Variants in SRGAP3 observed in about 807,000 individuals in gnomAD.
SRGAP3 encodes the protein SLIT-ROBO Rho GTPase activating protein 3, also known as SLIT-ROBO Rho GTPase-activating protein 3.
Under a neutral mutation model 121.1 loss-of-function variants are expected in SRGAP3, and 39 were observed. The observed-to-expected ratio is 0.32, with a 90% CI of 0.25 to 0.42. The LOEUF is 0.42. Among genes scored for constraint, SRGAP3 ranks in the 10% least tolerant of loss-of-function variants. The probability of loss-of-function intolerance (pLI) is 1.00; values close to 1 mark genes in which losing one functional copy is unlikely to be tolerated. For missense variants in SRGAP3, 1,213 were observed against 1,470.6 expected, an observed-to-expected ratio of 0.82 and a Z score of 2.86; for synonymous variants, 601 against 570.0, an observed-to-expected ratio of 1.05 and a Z score of -0.77.
intron 2 of SRGAP3, among the ~76,000 whole-genome samples, chr3:9,123,355 C>T (rs1168942783): frequency 1.3e-5 from 2 of 150,696 alleles, no homozygotes; most frequent in African/African-American, 4.9e-5. Flanking sequence ...ATTATGTGTG[C>T]TTTGTCACAA....
chr3:9,338,877 G>C (rs888291075), intron 1 of SRGAP3, among the ~76,000 whole-genome samples: 2 of 152,146 alleles, frequency 1.3e-5, no homozygotes, highest in Non-Finnish European at 2.9e-5. Context: ...CTACTGCAGA[G>C]CCTCAATATT....
rs115451745 is a variant in SRGAP3 at position 9,030,687 on chromosome 3, G to T, written c.1539+1963C>A. Among the ~76,000 whole-genome samples the T allele has an allele frequency of 3.3e-3, 498 of 152,114 alleles. 1 individual carries two copies. The highest frequency in any genetic ancestry group is 6.0e-3 in the Non-Finnish European group (408 of 67,990). ...CTTATATATAGGACCCCTCTATTAC[G>T]AAAATACTTAACTCAACAGAATATC... On this transcript the variant is annotated intron_variant, in intron 12 of 21. Transcript: ENST00000383836.
intron 3 of SRGAP3, among the ~76,000 whole-genome samples, chr3:9,086,733 AT>A (rs1356061070): frequency 6.8e-6 from 1 of 147,112 alleles, no homozygotes; most frequent in Non-Finnish European, 1.5e-5. Context: ...TATAATATGT[AT>A]TTTATATGTA....
chr3:9,295,220 T>C (rs887951205), intron 3 of SRGAP3, among the ~76,000 whole-genome samples: 1 of 152,362 alleles, frequency 6.6e-6, no homozygotes, highest in East Asian at 1.9e-4. Flanking sequence ...GTTTCTGCTC[T>C]GGTCTGTTGC....
chr3:9,026,068 C>T (rs538305877), intron 13 of SRGAP3, among the ~76,000 whole-genome samples: 4 of 152,308 alleles, frequency 2.6e-5, no homozygotes, highest in South Asian at 4.1e-4. Context: ...ACCACCCAGC[C>T]ACACTGACCT....
intron 1 of SRGAP3, among the ~76,000 whole-genome samples, chr3:9,331,707 G>A (rs766532498): frequency 6.6e-5 from 10 of 152,180 alleles, no homozygotes; most frequent in Non-Finnish European, 1.3e-4. Context: ...AAGTTGCAGA[G>A]GACTTGCAGA....
intron 3 of SRGAP3, among the ~76,000 whole-genome samples, chr3:9,082,279 A>G (rs942592442): frequency 6.6e-6 from 1 of 152,214 alleles, no homozygotes; most frequent in Non-Finnish European, 1.5e-5. Flanking sequence ...CTGTGAGCCA[A>G]TTAAACCTCT....
At chr3:9,085,768 C>T (rs1394624312) in intron 3 of SRGAP3, among the ~76,000 whole-genome samples, 1 of 152,134 alleles carries the variant, frequency 6.6e-6, no homozygotes, top group African/African-American at 2.4e-5. Flanking sequence ...AATGAAAACA[C>T]ATTGATACAT....
At chr3:9,281,658 A>C (rs1394002830) in intron 3 of SRGAP3, among the ~76,000 whole-genome samples, 1 of 152,126 alleles carries the variant, frequency 6.6e-6, no homozygotes, top group African/African-American at 2.4e-5. Flanking sequence ...CGCCCCAATT[A>C]GTAGATACTT....
intron 1 of SRGAP3, among the ~76,000 whole-genome samples, chr3:9,203,808 A>G (rs1283283182): frequency 6.6e-6 from 1 of 152,262 alleles, no homozygotes; most frequent in African/African-American, 2.4e-5. Flanking sequence ...TACTGTGTTC[A>G]CATAGCCCTT....
intron 9 of SRGAP3, chr3:9,049,344 T>C (rs1945443523): frequency 6.6e-6 from 3 of 455,146 alleles, no homozygotes; most frequent in African/African-American, 6.0e-5. Flanking sequence ...TCCCAGGACC[T>C]GGCCTATTGG....
chr3:9,228,844 TGAGGTCAGGAGATC>T (rs1559227593), intron 1 of SRGAP3, among the ~76,000 whole-genome samples: 2 of 150,984 alleles, frequency 1.3e-5, no homozygotes, highest in Admixed American at 6.6e-5. Context: ...GGGTGGATCA[TGAGGTCAGGAGATC>T]GAGACCATCC....
Position 8,985,408 on chromosome 3 carries a change from G to C in SRGAP3, c.*111C>G. 6.5e-7 allele frequency: 1 copy of C among 1,535,194 alleles called. No homozygotes were observed. The highest frequency in any genetic ancestry group is 8.7e-7 in the Non-Finnish European group (1 of 1,148,242). ...CTGCACAGACACACCCTCCCAGACG[G>C]ACCTCTGCCCTCCAAGGCCAGGGTC... On this transcript the variant is annotated 3_prime_UTR_variant, in exon 22 of 22. Transcript: ENST00000383836. The surrounding 1 kb of genome is among the most constrained non-coding windows in gnomAD (Gnocchi z 5.1).
At chr3:9,263,090 A>G (rs574620761) in intron 3 of SRGAP3, among the ~76,000 whole-genome samples, 1 of 152,354 alleles carries the variant, frequency 6.6e-6, no homozygotes, top group East Asian at 1.9e-4. Context: ...ACTACATGGA[A>G]ACTGAACAAC....
chr3:9,239,539 C>T lies in SRGAP3; in HGVS notation c.67+9346G>A, dbSNP rs1308441920. 2.0e-5 allele frequency among the ~76,000 whole-genome samples: 3 copies of T among 152,310 alleles called. No homozygotes were observed. The highest frequency in any genetic ancestry group is 2.1e-4 in the South Asian group (1 of 4,824). On this transcript the variant is annotated intron_variant, in intron 1 of 21. Coordinates refer to ENST00000383836, the MANE Select transcript of SRGAP3 (RefSeq NM_014850.4). The surrounding 1 kb of genome is among the most constrained non-coding windows in gnomAD (Gnocchi z 4.0). ...GTTCATCTGTGCCATTATCACCTAGCACTGGCTATGCAATCCCAGGGGGAA... is the reference window on the plus strand; with the variant it reads ...GTTCATCTGTGCCATTATCACCTAGTACTGGCTATGCAATCCCAGGGGGAA...
At chr3:9,288,583 T>TG (rs1234620729) in intron 3 of SRGAP3, among the ~76,000 whole-genome samples, 1 of 151,216 alleles carries the variant, frequency 6.6e-6, no homozygotes, top group African/African-American at 2.4e-5. Flanking sequence ...ACTTTGTCTT[T>TG]TTTTTTTTTT....
chr3:9,194,190 C>T (rs1951851890), intron 1 of SRGAP3: 1 of 152,158 alleles, frequency 6.6e-6, no homozygotes, highest in Non-Finnish European at 1.5e-5. Flanking sequence ...CCTGATGTAG[C>T]AAGAGCCTCT....
intron 1 of SRGAP3, among the ~76,000 whole-genome samples, chr3:9,221,766 T>C (rs1952823111): frequency 6.6e-6 from 1 of 152,286 alleles, no homozygotes; most frequent in East Asian, 1.9e-4. Context: ...ACACACCCTC[T>C]CCTGACTCCA....
At chr3:9,048,912 C>T (rs1359839842) in intron 9 of SRGAP3, among the ~76,000 whole-genome samples, 2 of 152,074 alleles carry the variant, frequency 1.3e-5, no homozygotes, top group Admixed American at 6.5e-5. Flanking sequence ...TGAGCCAAGG[C>T]CTGAAGGAGG....
Sources: allele counts gnomAD v4.1 joint callset (sites outside exome capture counted in the v4.1 genomes callset), GRCh38; gene constraint gnomAD v4.1.1; non-coding constraint Gnocchi (gnomAD v3.1); transcripts MANE v1.5; gene names NCBI Gene and HGNC (gene_info 2026-07-23, HGNC 2026-07-21).